The following TSPAN18 variants were observed in gnomAD, a reference collection of about 807,000 sequenced individuals.
TSPAN18 encodes tetraspanin 18, also known as tetraspanin-18.
TSPAN18 carries 14 observed loss-of-function variants against 27.3 expected under a neutral mutation model. The observed-to-expected ratio is 0.51, with a 90% confidence interval of 0.34 to 0.80. The LOEUF (loss-of-function observed/expected upper bound fraction) is 0.80, where lower values mean the gene tolerates loss of function less well. Among genes scored for constraint, TSPAN18 ranks in the 30% least tolerant of loss-of-function variants. The pLI is 0.01. For synonymous variants in TSPAN18, 143 were observed against 136.5 expected (o/e 1.05, Z -0.33); for missense variants, 268 against 323.9 (o/e 0.83, Z 1.32).
intron 2 of TSPAN18, among the ~76,000 whole-genome samples, chr11:44,825,381 T>C (rs1857016995): frequency 6.6e-6 from 1 of 152,178 alleles, no homozygotes; most frequent in Non-Finnish European, 1.5e-5. Flanking sequence ...GTTGAGTAAA[T>C]GGCTCAGTTC....
chr11:44,831,182 A>G (rs907344366), intron 2 of TSPAN18, among the ~76,000 whole-genome samples: 20 of 152,218 alleles, frequency 1.3e-4, no homozygotes, highest in Admixed American at 8.5e-4. Context: ...TGTTATGCCA[A>G]TGGAGGTAAG....
chr11:44,770,405 A>T (rs1413847501), intron 2 of TSPAN18, among the ~76,000 whole-genome samples: 2 of 152,038 alleles, frequency 1.3e-5, no homozygotes, highest in Non-Finnish European at 1.5e-5. Context: ...CTCGGGGAAG[A>T]GGCTTCCTGT....
intron 2 of TSPAN18, among the ~76,000 whole-genome samples, chr11:44,772,543 T>A (rs1208500774): frequency 6.6e-6 from 1 of 152,258 alleles, no homozygotes; most frequent in Non-Finnish European, 1.5e-5. Context: ...AAGTCCCTGA[T>A]ATAAAATGGA....
chr11:44,768,892 ATTTTTTTTTT>A (rs60616294), intron 2 of TSPAN18, among the ~76,000 whole-genome samples: 1 of 101,248 alleles, frequency 9.9e-6, no homozygotes, highest in African/African-American at 3.7e-5. Flanking sequence ...ATACTATTTG[ATTTTTTTTTT>A]TTTTTTTTTT....
At chr11:44,836,569 C>T (rs899590418) in intron 2 of TSPAN18, among the ~76,000 whole-genome samples, 29 of 152,204 alleles carry the variant, frequency 1.9e-4, no homozygotes, top group Admixed American at 6.5e-4. Context: ...CAGGTGGCGG[C>T]GATACAAAAC....
chr11:44,738,503 A>G (rs559314466), intron 1 of TSPAN18, among the ~76,000 whole-genome samples: 1 of 152,232 alleles, frequency 6.6e-6, no homozygotes, highest in South Asian at 2.1e-4. Flanking sequence ...TGAGGATTAC[A>G]TAAATTAATT....
intron 2 of TSPAN18, among the ~76,000 whole-genome samples, chr11:44,835,417 T>C (rs1196830279): frequency 2.0e-5 from 3 of 152,186 alleles, no homozygotes; most frequent in East Asian, 1.9e-4. Context: ...CATAGTTCTT[T>C]GGAATTTCAA....
chr11:44,749,996 T>G (rs1176306875), intron 1 of TSPAN18, among the ~76,000 whole-genome samples: 2 of 152,196 alleles, frequency 1.3e-5, no homozygotes, highest in Admixed American at 1.3e-4. Context: ...GAAGCAGGCA[T>G]GGGGGCTGCT....
intron 2 of TSPAN18, among the ~76,000 whole-genome samples, chr11:44,779,765 A>G (rs1476024001): frequency 6.6e-6 from 1 of 152,092 alleles, no homozygotes; most frequent in African/African-American, 2.4e-5. Flanking sequence ...ACCTATCCAC[A>G]TGCCTGTGCA....
At chr11:44,894,852 G>A (rs990552091) in intron 3 of TSPAN18, among the ~76,000 whole-genome samples, 12 of 152,234 alleles carry the variant, frequency 7.9e-5, no homozygotes, top group Admixed American at 2.6e-4. Context: ...ACTGGGGCAC[G>A]GCGCTTCCTG....
At position 44,909,787 on chromosome 11, in the gene TSPAN18, C is replaced by G; in HGVS notation, c.146C>G (p.Pro49Arg). 1 of 1,614,014 alleles carries G rather than the reference C, an allele frequency of 6.2e-7. No individual in the cohort carries two copies. Among genetic ancestry groups the G allele is most frequent in the Non-Finnish European group, 8.5e-7 (1 of 1,180,020 alleles). ...TTCCGGGAGATCGTGGCTGCCAATC[C>G]TCTGCTCCTCACGGGCGCCTACATC... is the stretch of plus-strand genomic sequence containing the variant. ...TGFREIVAANPLLLTGAYILL... is the reference protein window; with the variant it reads ...TGFREIVAANRLLLTGAYILL... Residue 49 changes from proline to arginine, a missense_variant, in exon 5 of 10, where the codon CCT becomes CGT. Physicochemically the swap from Pro to Arg is moderately radical, Grantham distance 103. Coordinates refer to ENST00000520358, the MANE Select transcript of TSPAN18 (RefSeq NM_130783.5).
intron 3 of TSPAN18, among the ~76,000 whole-genome samples, chr11:44,868,306 A>T (rs34499229): frequency 0.02 from 3,101 of 152,176 alleles, 40 homozygotes; most frequent in Middle Eastern, 0.048. Flanking sequence ...CTTTTTGGGG[A>T]TAGAGAAAAA....
At chr11:44,899,772 A>T (rs1859190661) in intron 3 of TSPAN18, among the ~76,000 whole-genome samples, 1 of 152,230 alleles carries the variant, frequency 6.6e-6, no homozygotes, top group South Asian at 2.1e-4. Flanking sequence ...CATAGTCATG[A>T]GGCAAGAAAG....
chr11:44,854,381 A>G (rs1007801633), intron 2 of TSPAN18, among the ~76,000 whole-genome samples: 3 of 152,138 alleles, frequency 2.0e-5, no homozygotes, highest in Non-Finnish European at 4.4e-5. Flanking sequence ...AGAACAGAAC[A>G]TGAGGCCCAG....
chr11:44,727,554 G>A (rs1230654934), intron 1 of TSPAN18, among the ~76,000 whole-genome samples: 1 of 152,118 alleles, frequency 6.6e-6, no homozygotes, highest in Non-Finnish European at 1.5e-5. Flanking sequence ...CAGAGCCGGT[G>A]GGCTCCCAGT....
intron 3 of TSPAN18, among the ~76,000 whole-genome samples, chr11:44,882,052 C>T (rs897839900): frequency 3.3e-5 from 5 of 152,166 alleles, no homozygotes; most frequent in African/African-American, 9.7e-5. Context: ...TCTGACCCAG[C>T]TCTGTCCAAG....
At chr11:44,789,904 G>A (rs914100306) in intron 2 of TSPAN18, among the ~76,000 whole-genome samples, 4 of 152,218 alleles carry the variant, frequency 2.6e-5, no homozygotes, top group Non-Finnish European at 5.9e-5. Context: ...GCTCAGAGGA[G>A]CTGGAAGGCC....
rs765673237 is a variant in TSPAN18, at chr11:44,727,071, A to AGCCCCGGCCCCGGCCCCG, written c.-436_-419dup. 1.1e-4 allele frequency: 8 copies of AGCCCCGGCCCCGGCCCCG among 74,374 alleles called. No homozygotes were observed. The highest frequency in any genetic ancestry group is 2.6e-4 in the African/African-American group (8 of 31,210). The allele number at this position is 74,374 out of a possible 1,614,324, so 4.6% of individuals were successfully genotyped here. A position where few individuals can be genotyped will look rare whatever the true frequency, so the allele number is the denominator to read the frequency against. On this transcript the variant is annotated 5_prime_UTR_variant, in exon 1 of 10. Transcript: ENST00000520358. ...GAGCCCCAGCCCCGGCCCCGGCCCC[A>AGCCCCGGCCCCGGCCCCG]GCCCCGGCCCCGGCCCCGGCCCCGG... is the stretch of plus-strand genomic sequence containing the variant.
In TSPAN18 at chr11:44,737,405, C is replaced by T. The variant is rs771074445; in HGVS notation, c.-240+10118C>T. 1.6e-4 allele frequency among the ~76,000 whole-genome samples: 25 copies of T among 152,268 alleles called. No homozygotes were observed. In the Middle Eastern group the frequency reaches 0.01, roughly 62 times the overall value. ...TGTGGGGTTTCTCCCATGACGCAGC[C>T]ACCAGAGGCACTCCCTGACGTCTCC... On this transcript the variant is annotated intron_variant, in intron 1 of 9. Transcript: ENST00000520358.
Sources: allele counts gnomAD v4.1 joint callset (sites outside exome capture counted in the v4.1 genomes callset), GRCh38; gene constraint gnomAD v4.1.1; transcripts MANE v1.5; gene names NCBI Gene and HGNC (gene_info 2026-07-23, HGNC 2026-07-21).